MGAM: variants seen among roughly 807,000 people sequenced by gnomAD.
MGAM encodes alpha-1,4-glucosidase.
A neutral mutation model predicts 358.8 loss-of-function variants in MGAM; 253 were observed. The ratio of observed to expected loss-of-function variants is 0.71; its 90% CI spans 0.64 to 0.78. MGAM has a LOEUF of 0.78. MGAM is among the 30% of genes least tolerant of loss of function. The pLI is 0.00. For synonymous variants in MGAM, 1,105 were observed against 1,227.1 expected (o/e 0.90, Z 2.08); for missense variants, 3,080 against 3,432.6 (o/e 0.90, Z 2.57).
intron 2 of MGAM, among the ~76,000 whole-genome samples, chr7:141,989,913 T>G (rs1204341697): frequency 1.3e-5 from 2 of 152,150 alleles, no homozygotes; most frequent in East Asian, 3.8e-4. Context: ...ACAGATAAAA[T>G]TATTATTTTC....
intron 14 of MGAM, among the ~76,000 whole-genome samples, chr7:142,034,048 A>G (rs4416750): frequency 0.71 from 108,561 of 152,136 alleles, 39,911 homozygotes; most frequent in African/African-American, 0.9. Context: ...TGAGAGCTCC[A>G]GTGGGAGGAT....
At chr7:141,988,821 A>C (rs1262246663) in intron 2 of MGAM, among the ~76,000 whole-genome samples, 1 of 152,204 alleles carries the variant, frequency 6.6e-6, no homozygotes, top group Non-Finnish European at 1.5e-5. Context: ...TTCACAAGAC[A>C]AGGAAATGCT....
Position 142,050,885 on chromosome 7 carries a change from G to T in MGAM, c.2805+21G>T, listed in dbSNP as rs757477866. 3 of 1,613,328 alleles carry T rather than the reference G, an allele frequency of 1.9e-6. No individual in the cohort carries two copies. In the South Asian group the frequency reaches 3.3e-5, roughly 18 times the overall value. On this transcript the variant is annotated intron_variant, in intron 24 of 70. Transcript: ENST00000475668. ...TGAAGGTAAAAACCCATTTTGTTGA[G>T]ATGGTACATTGAGAATTCTCCATAG...
chr7:142,091,803 G>T lies in MGAM; in HGVS notation c.6811-110G>T, dbSNP rs111673562. ...ACATTATTTAGGCCCTGTTCAGGCC[G>T]TCTGTCACCATGCAGTTGAAGTATT... On this transcript the variant is annotated intron_variant, in intron 57 of 70. Coordinates refer to ENST00000475668, the MANE Select transcript of MGAM (RefSeq NM_001365693.1). The T allele has an allele frequency of 1.1e-5, 13 of 1,175,648 alleles. 1 individual carries two copies. The Admixed American group carries it at 2.8e-4, about 25-fold the overall frequency. The allele number at this position is 1,175,648 out of a possible 1,614,324, so 72.8% of individuals were successfully genotyped here. A position where few individuals can be genotyped will look rare whatever the true frequency, so the allele number is the denominator to read the frequency against.
At chr7:142,037,000 A>C (rs782814349) in intron 18 of MGAM, 23 bp downstream of exon 18, 22 of 1,598,714 alleles carry the variant, frequency 1.4e-5, no homozygotes, top group Non-Finnish European at 1.9e-5. Context: ...AACCTCCTTA[A>C]ATTTTATTAA....
In MGAM at chr7:142,025,153, A is replaced by G; in HGVS notation, c.982+4A>G. 6.3e-7 allele frequency: 1 copy of G among 1,591,416 alleles called. No homozygotes were observed. Among genetic ancestry groups the G allele is most frequent in the South Asian group, 1.1e-5 (1 of 90,566 alleles). On this transcript the variant is annotated splice_donor_region_variant and intron_variant, in intron 8 of 70. Coordinates refer to ENST00000475668, the MANE Select transcript of MGAM (RefSeq NM_001365693.1). ...CTGATGAACAGCAATGCCATGGGTA[A>G]AGGAATATTCATGGAAAAAACAAGC... is the stretch of plus-strand genomic sequence containing the variant.
chr7:142,066,666 T>C lies in MGAM; in HGVS notation c.4864T>C (p.Leu1622=). The change falls in exon 41 of 71, where the codon TTG becomes CTG. Residue 1622 remains leucine (L), a synonymous_variant. Transcript: ENST00000475668. ...RYTLLPYLYT[L]MQKAHTEGVT... ...CACCCTGTTGCCATATCTGTATACC[T>C]TGATGCAAAAGGCCCACACGGAGGG... is the stretch of plus-strand genomic sequence containing the variant. 1 of 1,556,138 alleles carries C rather than the reference T, an allele frequency of 6.4e-7. No homozygotes were observed. Among genetic ancestry groups the C allele is most frequent in the Non-Finnish European group, 8.8e-7 (1 of 1,132,630 alleles).
intron 31 of MGAM, among the ~76,000 whole-genome samples, chr7:142,059,265 C>T (rs186822844): frequency 6.6e-6 from 1 of 152,276 alleles, no homozygotes; most frequent in Admixed American, 6.5e-5. Flanking sequence ...CTTGTGCTGA[C>T]TTCGATTTTT....
intron 42 of MGAM, 106 bp from the exon 43 acceptor site, chr7:142,068,541 C>G: frequency 1.1e-6 from 1 of 906,822 alleles, no homozygotes; most frequent in Non-Finnish European, 1.7e-6. Flanking sequence ...CATGAGGCAG[C>G]TGGGTCCAAA....
At chr7:142,020,194 C>T (rs1201542424) in intron 4 of MGAM, among the ~76,000 whole-genome samples, 1 of 152,168 alleles carries the variant, frequency 6.6e-6, no homozygotes. Context: ...TTCAGATGCT[C>T]TTGGCCTGAT....
At chr7:142,074,440 G>C (rs987506036) in intron 45 of MGAM, among the ~76,000 whole-genome samples, 17 of 146,378 alleles carry the variant, frequency 1.2e-4, no homozygotes, top group African/African-American at 3.9e-4. Flanking sequence ...TGGGTGCTTA[G>C]ATGAGAAGGT....
At chr7:142,060,182 A>C in intron 33 of MGAM, 129 bp from the exon 34 acceptor site, 1 of 1,382,276 alleles carries the variant, frequency 7.2e-7, no homozygotes, top group Non-Finnish European at 1.0e-6. Context: ...CTTTTCTTTT[A>C]TGTCAATCCT....
chr7:142,045,782 A>G (rs1222012477), intron 21 of MGAM, among the ~76,000 whole-genome samples: 1 of 122,226 alleles, frequency 8.2e-6, no homozygotes, highest in African/African-American at 3.3e-5. Flanking sequence ...ATGAATATAT[A>G]ATATACATAT....
intron 48 of MGAM, 92 bp from the exon 49 acceptor site, chr7:142,078,716 G>A: frequency 7.8e-7 from 1 of 1,283,234 alleles, no homozygotes; most frequent in South Asian, 1.3e-5. Context: ...TGGTTTTATT[G>A]TCATATAAAA....
At chr7:142,017,897 A>G (rs1806099902) in intron 3 of MGAM, among the ~76,000 whole-genome samples, 2 of 152,210 alleles carry the variant, frequency 1.3e-5, no homozygotes, top group Non-Finnish European at 2.9e-5. Flanking sequence ...GAAAAAAAAG[A>G]AATGGATAGT....
At chr7:142,096,862 A>G (rs1413188498) in intron 65 of MGAM, among the ~76,000 whole-genome samples, 2 of 151,268 alleles carry the variant, frequency 1.3e-5, no homozygotes, top group African/African-American at 2.4e-5. Context: ...AGTAAAAGCC[A>G]TTTCTTTACT....
chr7:142,072,134 A>G (rs1813393447), intron 44 of MGAM, among the ~76,000 whole-genome samples: 1 of 146,000 alleles, frequency 6.8e-6, no homozygotes, highest in African/African-American at 2.4e-5. Flanking sequence ...GAAAATCTCA[A>G]CTGGTTGCTC....
At chr7:142,038,798 T>C (rs1808244878) in intron 19 of MGAM, among the ~76,000 whole-genome samples, 183 bp downstream of exon 19, 1 of 152,198 alleles carries the variant, frequency 6.6e-6, no homozygotes, top group Non-Finnish European at 1.5e-5. Flanking sequence ...TTTCTAGAAT[T>C]TCTTTTTTCT....
Position 142,067,939 on chromosome 7 carries a change from T to G in MGAM, c.5004+514T>G, listed in dbSNP as rs1279256185. On this transcript the variant is annotated intron_variant, in intron 42 of 70. Coordinates refer to ENST00000475668, the MANE Select transcript of MGAM (RefSeq NM_001365693.1). ...CAATTAATTGTACCTCCCTCAAATA[T>G]ATATATATATATATATATATATATA... Among the ~76,000 whole-genome samples the G allele has an allele frequency of 1.1e-4, 4 of 36,166 alleles. 1 individual carries two copies. Among genetic ancestry groups the G allele is most frequent in the Non-Finnish European group, 1.8e-4 (3 of 16,934 alleles). The allele number at this position is 36,166 out of a possible 152,430, so 23.7% of individuals were successfully genotyped here.
Sources: allele counts gnomAD v4.1 joint callset (sites outside exome capture counted in the v4.1 genomes callset), GRCh38; gene constraint gnomAD v4.1.1; transcripts MANE v1.5; gene names NCBI Gene and HGNC (gene_info 2026-07-23, HGNC 2026-07-21).